The following CAMK1D variants were observed in gnomAD, a reference collection of about 807,000 sequenced individuals.
CAMK1D encodes the protein calcium/calmodulin dependent protein kinase ID.
CAMK1D carries 9 observed loss-of-function variants against 47.7 expected under a neutral mutation model. The ratio of observed to expected loss-of-function variants is 0.19; its 90% CI spans 0.11 to 0.33. CAMK1D has a LOEUF of 0.33. Among genes scored for constraint, CAMK1D ranks in the 10% least tolerant of loss-of-function variants. The pLI, the probability that CAMK1D is intolerant of heterozygous loss-of-function variation, is 1.00. For synonymous variants in CAMK1D, 184 were observed against 184.9 expected, an observed-to-expected ratio of 0.99 and a Z score of 0.04; for missense variants, 291 against 488.7, an observed-to-expected ratio of 0.60 and a Z score of 3.81.
rs774753408 is a variant in CAMK1D at position 12,570,092 on chromosome 10, C to A, written c.224+16736C>A. Reference sequence around the variant, plus strand: ...GCATGTACCTGTAATCCCAGCTACTCCGGAGGCTGAGGCAGGAGAATTGCT... The same window carrying A: ...GCATGTACCTGTAATCCCAGCTACTACGGAGGCTGAGGCAGGAGAATTGCT... On this transcript the variant is annotated intron_variant, in intron 2 of 10. Coordinates refer to ENST00000619168, the MANE Select transcript of CAMK1D (RefSeq NM_153498.4). Among the ~76,000 whole-genome samples the A allele has an allele frequency of 4.6e-5, 7 of 151,966 alleles. No homozygotes were observed. In the South Asian group the frequency reaches 8.3e-4, roughly 18 times the overall value.
At chr10:12,404,288 G>A (rs1040430096) in intron 1 of CAMK1D, among the ~76,000 whole-genome samples, 1 of 152,090 alleles carries the variant, frequency 6.6e-6, no homozygotes, top group South Asian at 2.1e-4. Flanking sequence ...CAGGTGATCC[G>A]CCCACCTTGG....
At position 12,737,928 on chromosome 10, in the gene CAMK1D, G is replaced by A. The variant is rs150044457; in HGVS notation, c.300-23020G>A. On this transcript the variant is annotated intron_variant, in intron 3 of 10. Coordinates refer to ENST00000619168, the MANE Select transcript of CAMK1D (RefSeq NM_153498.4). ...TTCTAGATGGATTAAAGAATAACTA[G>A]TCATAAATTCACAAAATGTATAATA... 6.4e-3 allele frequency among the ~76,000 whole-genome samples: 974 copies of A among 152,178 alleles called. 8 individuals carry two copies. Among genetic ancestry groups the A allele is most frequent in the African/African-American group, 0.022 (933 of 41,514 alleles).
intron 1 of CAMK1D, among the ~76,000 whole-genome samples, chr10:12,406,015 T>C (rs988919222): frequency 5.3e-5 from 8 of 152,332 alleles, no homozygotes; most frequent in Admixed American, 4.6e-4. Flanking sequence ...GACTGGGCTT[T>C]GAGGAGACAC....
At chr10:12,477,473 G>A (rs1833935527) in intron 1 of CAMK1D, among the ~76,000 whole-genome samples, 1 of 152,172 alleles carries the variant, frequency 6.6e-6, no homozygotes, top group Admixed American at 6.5e-5. Flanking sequence ...GAGATGACTG[G>A]GGAAGACGAA....
intron 1 of CAMK1D, among the ~76,000 whole-genome samples, chr10:12,439,993 GT>G (rs1832740339): frequency 6.6e-6 from 1 of 152,200 alleles, no homozygotes; most frequent in African/African-American, 2.4e-5. Context: ...CACGAGAACA[GT>G]ATGGGGGAAA....
intron 3 of CAMK1D, among the ~76,000 whole-genome samples, chr10:12,718,048 G>A (rs1834224954): frequency 1.3e-5 from 2 of 152,058 alleles, no homozygotes; most frequent in African/African-American, 4.8e-5. Context: ...ACAATGCTTA[G>A]GAGTTGAAAT....
At chr10:12,475,527 A>G (rs1188541437) in intron 1 of CAMK1D, among the ~76,000 whole-genome samples, 1 of 151,948 alleles carries the variant, frequency 6.6e-6, no homozygotes, top group African/African-American at 2.4e-5. Flanking sequence ...CCATTCCTCT[A>G]TCCATGGGTA....
chr10:12,421,399 C>A (rs75838733), intron 1 of CAMK1D, among the ~76,000 whole-genome samples: 1 of 151,956 alleles, frequency 6.6e-6, no homozygotes, highest in African/African-American at 2.4e-5. Context: ...GTTCCCTAGC[C>A]GCAGTATAGC....
intron 5 of CAMK1D, among the ~76,000 whole-genome samples, chr10:12,784,031 C>G (rs930757615): frequency 6.6e-6 from 1 of 152,038 alleles, no homozygotes; most frequent in Non-Finnish European, 1.5e-5. Flanking sequence ...CTGGTGTAAA[C>G]TTGATAAGCC....
chr10:12,767,449 T>C (rs773567176), intron 4 of CAMK1D, among the ~76,000 whole-genome samples: 23 of 152,132 alleles, frequency 1.5e-4, no homozygotes, highest in Non-Finnish European at 2.8e-4. Flanking sequence ...AGTGCTGGGA[T>C]TACAGGCATG....
intron 4 of CAMK1D, among the ~76,000 whole-genome samples, chr10:12,769,193 C>T (rs1176277454): frequency 1.3e-5 from 2 of 152,216 alleles, no homozygotes; most frequent in Non-Finnish European, 2.9e-5. Context: ...AGCTGGCCTT[C>T]ATGAAGGGTG....
intron 2 of CAMK1D, among the ~76,000 whole-genome samples, chr10:12,598,067 C>T (rs1006511757): frequency 6.6e-6 from 1 of 152,222 alleles, no homozygotes; most frequent in African/African-American, 2.4e-5. Context: ...TTGCAGACAT[C>T]CTCCTATGCA....
chr10:12,739,420 T>C (rs150633891), intron 3 of CAMK1D, among the ~76,000 whole-genome samples: 7,207 of 150,546 alleles, frequency 0.048, 352 homozygotes, highest in South Asian at 0.15. Context: ...GGATTACAGG[T>C]GCATGCCACC....
intron 1 of CAMK1D, among the ~76,000 whole-genome samples, chr10:12,466,631 G>A (rs1476047441): frequency 6.6e-6 from 1 of 150,912 alleles, no homozygotes; most frequent in Non-Finnish European, 1.5e-5. Context: ...GGTTTTCCTA[G>A]GGGGAGGTGT....
intron 1 of CAMK1D, among the ~76,000 whole-genome samples, chr10:12,384,838 A>T (rs1461082517): frequency 6.6e-6 from 1 of 152,240 alleles, no homozygotes; most frequent in Non-Finnish European, 1.5e-5. Flanking sequence ...TACCATCAAG[A>T]CAGTGAAAAG....
At chr10:12,403,764 T>C (rs1839314454) in intron 1 of CAMK1D, among the ~76,000 whole-genome samples, 1 of 152,116 alleles carries the variant, frequency 6.6e-6, no homozygotes, top group Non-Finnish European at 1.5e-5. Flanking sequence ...CTATATTGTA[T>C]AATGCATTGA....
chr10:12,526,000 C>T (rs755937499), intron 1 of CAMK1D, among the ~76,000 whole-genome samples: 44 of 152,290 alleles, frequency 2.9e-4, no homozygotes, highest in Non-Finnish European at 5.0e-4. Context: ...TCCAGTGATC[C>T]GCCTGCTGTG....
At chr10:12,416,147 T>C (rs1342774328) in intron 1 of CAMK1D, 1 of 152,184 alleles carries the variant, frequency 6.6e-6, no homozygotes, top group Non-Finnish European at 1.5e-5. Flanking sequence ...TTTTTGGATA[T>C]TATTCTTGTT....
intron 1 of CAMK1D, chr10:12,416,033 C>T (rs2399860): frequency 0.19 from 29,324 of 152,026 alleles, 3,011 homozygotes; most frequent in Admixed American, 0.29. Context: ...AAAAACCATT[C>T]GCATTAGACT....
Sources: gnomAD v4.1 joint callset for allele counts (sites outside exome capture counted in the v4.1 genomes callset) on GRCh38, gnomAD v4.1.1 for gene constraint, MANE v1.5 for transcripts, NCBI Gene and HGNC (gene_info 2026-07-23, HGNC 2026-07-21) for gene names.